PCLO: variants seen among roughly 807,000 people sequenced by gnomAD.
PCLO encodes protein piccolo.
A neutral mutation model predicts 427.5 loss-of-function variants in PCLO; 82 were observed. The ratio of observed to expected loss-of-function variants is 0.19; its 90% CI spans 0.16 to 0.23. The LOEUF (loss-of-function observed/expected upper bound fraction) is 0.23. Among genes scored for constraint, PCLO ranks in the 10% least tolerant of loss-of-function variants. The pLI is 1.00. For missense variants in PCLO, 6,239 were observed against 6,115.9 expected, an observed-to-expected ratio of 1.02 and a Z score of -0.67; for synonymous variants, 2,357 against 2,155.4, an observed-to-expected ratio of 1.09 and a Z score of -2.59.
chr7:83,013,689 T>G (rs1173359005), intron 3 of PCLO, among the ~76,000 whole-genome samples: 1 of 152,180 alleles, frequency 6.6e-6, no homozygotes, highest in Non-Finnish European at 1.5e-5. Context: ...CTTTCAAACT[T>G]TCTTCTGAAA....
At chr7:82,920,197 C>T (rs1366975801) in intron 6 of PCLO, among the ~76,000 whole-genome samples, 1 of 151,518 alleles carries the variant, frequency 6.6e-6, no homozygotes, top group Non-Finnish European at 1.5e-5. Flanking sequence ...GAGTTCAGAA[C>T]TCCAAATACA....
chr7:82,916,922 A>G (rs756415062), intron 6 of PCLO, 49 bp from the exon 7 acceptor site: 1 of 1,236,082 alleles, frequency 8.1e-7, no homozygotes, highest in Non-Finnish European at 1.1e-6. Context: ...AGAAAAATAA[A>G]AACCAAATCT....
intron 10 of PCLO, among the ~76,000 whole-genome samples, chr7:82,869,971 C>T (rs1230350828): frequency 6.6e-6 from 1 of 151,858 alleles, no homozygotes; most frequent in African/African-American, 2.4e-5. Context: ...ATTTCATGTT[C>T]ATGGATTGAA....
At chr7:82,941,226 T>C (rs887568416) in intron 6 of PCLO, among the ~76,000 whole-genome samples, 2 of 152,172 alleles carry the variant, frequency 1.3e-5, no homozygotes, top group Non-Finnish European at 2.9e-5. Context: ...CATCTAAGAC[T>C]CACCTTACCT....
chr7:82,877,347 G>A (rs1234205287), intron 10 of PCLO, among the ~76,000 whole-genome samples: 4 of 152,036 alleles, frequency 2.6e-5, no homozygotes, highest in Non-Finnish European at 4.4e-5. Context: ...AATGATACTA[G>A]ACACAGTTGT....
At chr7:83,131,665 A>T (rs1419298128) in intron 3 of PCLO, among the ~76,000 whole-genome samples, 1 of 152,102 alleles carries the variant, frequency 6.6e-6, no homozygotes, top group Non-Finnish European at 1.5e-5. Flanking sequence ...TCAGGCCTAA[A>T]ATCTGAGTAT....
In PCLO at chr7:83,134,968, T is replaced by C. The variant is rs781592585; in HGVS notation, c.2582A>G (p.Lys861Arg). 6.2e-7 allele frequency: 1 copy of C among 1,612,608 alleles called. No individual in the cohort carries two copies. Among genetic ancestry groups the C allele is most frequent in the Non-Finnish European group, 8.5e-7 (1 of 1,179,426 alleles). The change falls in exon 3 of 25, where the codon AAA becomes AGA. Residue 861 changes from lysine to arginine, a missense_variant. Lys to Arg is a conservative substitution (Grantham distance 26). Around this residue, in one of 5 missense-constraint regions of PCLO, gnomAD observed 4,677 missense variants for 4,468.4 expected, o/e 1.05. Transcript: ENST00000333891. ...CTTGGCATCTGGTTTAGGACTCATT[T>C]TGGTTTGTGCTTTCTTGGGTTCTTC... ...KKEEPKKAQT[K>R]MSPKPDAKPM...
chr7:83,063,506 A>C (rs1789590490), intron 3 of PCLO, among the ~76,000 whole-genome samples: 1 of 152,082 alleles, frequency 6.6e-6, no homozygotes, highest in African/African-American at 2.4e-5. Context: ...TGTGATATTC[A>C]ACTTTTTTAA....
intron 3 of PCLO, among the ~76,000 whole-genome samples, chr7:83,019,876 A>G (rs1004289539): frequency 6.6e-6 from 1 of 152,132 alleles, no homozygotes; most frequent in African/African-American, 2.4e-5. Context: ...GAAAGATTCA[A>G]TGTCTTATTT....
chr7:83,040,941 T>A (rs1017007352), intron 3 of PCLO, among the ~76,000 whole-genome samples: 1 of 152,218 alleles, frequency 6.6e-6, no homozygotes, highest in Admixed American at 6.6e-5. Context: ...CAATTAAAAA[T>A]AAAAAATTTT....
rs1313320875 is a variant in PCLO, at chr7:82,915,383, T to A, written c.12603A>T (p.Ser4201=). The stretch of plus-strand genomic sequence containing the variant: ...TACTTTCTTGAATAGGTGAAAATTT[T>A]GACATTTTAGGGTCAATTAGTGATT... ...HKKSLIDPKM[S]KFSPIQESRD... The change falls in exon 7 of 25, where the codon TCA becomes TCT. Residue 4201 remains serine (S), a synonymous_variant. Transcript: ENST00000333891. The A allele has an allele frequency of 1.7e-5, 28 of 1,613,580 alleles. No homozygotes were observed. The highest frequency in any genetic ancestry group is 2.4e-5 in the Non-Finnish European group (28 of 1,179,708).
At chr7:83,090,103 G>A (rs1419499465) in intron 3 of PCLO, among the ~76,000 whole-genome samples, 1 of 152,122 alleles carries the variant, frequency 6.6e-6, no homozygotes, top group Non-Finnish European at 1.5e-5. Context: ...AAGAGATCGA[G>A]ACCATCCTGG....
At chr7:82,758,812 A>T (rs1456043679) in intron 24 of PCLO, 97 bp from the exon 25 acceptor site, 1 of 703,366 alleles carries the variant, frequency 1.4e-6, no homozygotes, top group Non-Finnish European at 2.3e-6. Flanking sequence ...CATCAAAGAC[A>T]TAGCACGAAA....
Position 82,801,583 on chromosome 7 carries a change from A to G in PCLO, c.14942T>C (p.Met4981Thr). ...TACAGGCTCTTGTCCATTCTGTCCC[A>G]TCTTCCCTCTGTTTAGAAATAAAAT... Reference protein sequence around the residue: ...NLFPIPRIGKMGQNGQEPVKQ... With the variant: ...NLFPIPRIGKTGQNGQEPVKQ... The change falls in exon 22 of 25, where the codon ATG becomes ACG. Residue 4981 changes from methionine to threonine, a missense_variant. Coordinates refer to ENST00000333891, the MANE Select transcript of PCLO (RefSeq NM_033026.6). 6.4e-7 allele frequency: 1 copy of G among 1,574,790 alleles called. No individual in the cohort carries two copies. The highest frequency in any genetic ancestry group is 8.7e-7 in the Non-Finnish European group (1 of 1,144,922).
chr7:83,014,645 T>C (rs137988725), intron 3 of PCLO, among the ~76,000 whole-genome samples: 238 of 152,030 alleles, frequency 1.6e-3, no homozygotes, highest in African/African-American at 5.4e-3. Flanking sequence ...ACTGCTCATC[T>C]AAGCACCAAG....
At chr7:83,043,219 G>A (rs1477225115) in intron 3 of PCLO, among the ~76,000 whole-genome samples, 3 of 152,166 alleles carry the variant, frequency 2.0e-5, no homozygotes, top group South Asian at 2.1e-4. Context: ...TAACATTAGC[G>A]AAGCTGAAAT....
intron 3 of PCLO, among the ~76,000 whole-genome samples, chr7:83,062,167 C>T (rs921747648): frequency 1.3e-5 from 2 of 152,026 alleles, no homozygotes; most frequent in Non-Finnish European, 2.9e-5. Context: ...TTAATGAAAA[C>T]CTTATAATAT....
At chr7:82,874,570 T>C (rs558079811) in intron 10 of PCLO, among the ~76,000 whole-genome samples, 1 of 152,194 alleles carries the variant, frequency 6.6e-6, no homozygotes, top group Non-Finnish European at 1.5e-5. Flanking sequence ...AGAATAAGCA[T>C]GTAGTAAATT....
intron 3 of PCLO, among the ~76,000 whole-genome samples, chr7:83,027,486 T>G (rs1433197767): frequency 6.6e-6 from 1 of 151,330 alleles, no homozygotes; most frequent in Non-Finnish European, 1.5e-5. Flanking sequence ...CCAAAAAGAG[T>G]CCAGGACCAG....
Sources: gnomAD v4.1 joint callset for allele counts (sites outside exome capture counted in the v4.1 genomes callset) on GRCh38, gnomAD v4.1.1 for gene constraint, gnomAD v4.1.1 regional missense constraint, MANE v1.5 for transcripts, NCBI Gene and HGNC (gene_info 2026-07-23, HGNC 2026-07-21) for gene names.